The following SVEP1 variants were observed in gnomAD, a reference collection of about 807,000 sequenced individuals.
SVEP1 encodes the protein sushi, von Willebrand factor type A, EGF and pentraxin domain containing 1.
A neutral mutation model predicts 367.3 loss-of-function variants in SVEP1; 164 were observed. The observed-to-expected ratio is 0.45, with a 90% CI of 0.39 to 0.51. The LOEUF is 0.51. SVEP1 is among the 20% of genes least tolerant of loss of function. SVEP1 has a pLI of 0.00. For missense variants in SVEP1, 4,117 were observed against 4,425.3 expected, an observed-to-expected ratio of 0.93 and a Z score of 1.98; for synonymous variants, 1,666 against 1,611.6, an observed-to-expected ratio of 1.03 and a Z score of -0.81.
intron 7 of SVEP1, among the ~76,000 whole-genome samples, chr9:110,498,744 G>A (rs949144958): frequency 1.3e-5 from 2 of 152,164 alleles, no homozygotes; most frequent in African/African-American, 4.8e-5. Flanking sequence ...AGTCTCACCT[G>A]CTTTATATAG....
Position 110,429,420 on chromosome 9 carries a change from A to C in SVEP1, c.5616-86T>G, listed in dbSNP as rs1828315010. ...GTGCCAAAAACCTCTAAAAATATTAAGAATTTATACATATTGGAAAAGTTG... is the reference window on the plus strand; with the variant it reads ...GTGCCAAAAACCTCTAAAAATATTACGAATTTATACATATTGGAAAAGTTG... On this transcript the variant is annotated intron_variant, in intron 34 of 47. Transcript: ENST00000374469. 3 of 984,626 alleles carry C rather than the reference A, an allele frequency of 3.0e-6. No homozygotes were observed. In the African/African-American group the frequency reaches 4.9e-5, roughly 16 times the overall value. 61.0% of individuals were successfully genotyped at this position (984,626 alleles called of 1,614,324 possible). A position where few individuals can be genotyped will look rare whatever the true frequency, so the allele number is the denominator to read the frequency against.
intron 1 of SVEP1, among the ~76,000 whole-genome samples, chr9:110,564,824 A>G (rs1256217233): frequency 1.5e-5 from 2 of 129,232 alleles, no homozygotes; most frequent in African/African-American, 5.0e-5. Context: ...TAAATTATCA[A>G]TCAATGACAG....
At chr9:110,433,066 C>T (rs1438563484) in intron 30 of SVEP1, among the ~76,000 whole-genome samples, 5 of 152,146 alleles carry the variant, frequency 3.3e-5, no homozygotes, top group African/African-American at 7.2e-5. Flanking sequence ...GTCTCTCTTG[C>T]TCCTGCTTCT....
At position 110,445,830 on chromosome 9, in the gene SVEP1, T is replaced by C. The variant is rs1828585044; in HGVS notation, c.4463+7A>G. The C allele has an allele frequency of 6.2e-7, 1 of 1,613,548 alleles. No homozygotes were observed. The highest frequency in any genetic ancestry group is 8.5e-7 in the Non-Finnish European group (1 of 1,179,670). On this transcript the variant is annotated splice_region_variant and intron_variant, in intron 26 of 47. Transcript: ENST00000374469. The stretch of plus-strand genomic sequence containing the variant: ...TTAAGCATAGCCTTCCCGACACTTC[T>C]GCTTACCCGTTATAATCAGTCAGGA...
Position 110,472,238 on chromosome 9 carries a change from G to A in SVEP1, c.2685C>T (p.Ile895=), listed in dbSNP as rs1376161503. The stretch of plus-strand genomic sequence containing the variant: ...TAATCCGTGAGGACTTGGCATTGCC[G>A]ATGCTTGTGGCTGTTTCTTGCACAG... ...LDTVQETATS[I]GNAKSSRIKR... Residue 895 remains isoleucine (I), a synonymous_variant, in exon 15 of 48, where the codon ATC becomes ATT. Transcript: ENST00000374469. 17 of 1,613,426 alleles carry A rather than the reference G, an allele frequency of 1.1e-5. No individual in the cohort carries two copies. Among genetic ancestry groups the A allele is most frequent in the African/African-American group, 2.7e-5 (2 of 74,904 alleles).
Position 110,451,364 on chromosome 9 carries a change from T to A in SVEP1, c.3826A>T (p.Ser1276Cys). 6.8e-6 allele frequency: 11 copies of A among 1,613,748 alleles called. No individual in the cohort carries two copies. The highest frequency in any genetic ancestry group is 9.3e-6 in the Non-Finnish European group (11 of 1,179,738). The change falls in exon 23 of 48, where the codon AGT becomes TGT. Residue 1276 changes from serine (S) to cysteine (C), a missense_variant. Around this residue, in one of 4 missense-constraint regions of SVEP1, gnomAD observed 2,174 missense variants for 2,494.3 expected, o/e 0.87. Transcript: ENST00000374469. ...CAGATTCCTTTATTTAAACAAGGAC[T>A]GGAGCTACACTCATTTATATTTTCT... ...CEENINECSS[S>C]PCLNKGICVD...
rs748500026 is a variant in SVEP1 at position 110,407,045 on chromosome 9, T to G, written c.8555A>C (p.Gln2852Pro). Residue 2852 changes from glutamine (Q) to proline (P), a missense_variant, in exon 38 of 48, where the codon CAA becomes CCA. Gln to Pro is a moderately conservative substitution (Grantham distance 76). Transcript: ENST00000374469. ...GQVRGDEYTFQKEIEYTCNEG... is the reference protein window; with the variant it reads ...GQVRGDEYTFPKEIEYTCNEG... ...ATTGCAAGTGTATTCAATCTCTTTT[T>G]GGAATGTGTACTCGTCTCCTCTCAC... 4 of 1,613,850 alleles carry G rather than the reference T, an allele frequency of 2.5e-6. No individual in the cohort carries two copies. The Admixed American group carries it at 5.0e-5, about 20-fold the overall frequency.
At chr9:110,396,596 C>T (rs991442297) in intron 40 of SVEP1, among the ~76,000 whole-genome samples, 104 of 71,616 alleles carry the variant, frequency 1.5e-3, no homozygotes, top group Admixed American at 4.9e-3. Flanking sequence ...ATTGATAGAC[C>T]GCTAGCAAGA....
At chr9:110,578,975 G>C (rs1564181850) in intron 1 of SVEP1, 38 bp downstream of exon 1, 2 of 1,540,884 alleles carry the variant, frequency 1.3e-6, no homozygotes, top group African/African-American at 1.4e-5. Context: ...GAAGGGCCCG[G>C]GGACTAGGGC....
At chr9:110,379,698 C>T (rs977743741) in intron 43 of SVEP1, among the ~76,000 whole-genome samples, 181 bp from the exon 44 acceptor site, 1 of 152,142 alleles carries the variant, frequency 6.6e-6, no homozygotes, top group Non-Finnish European at 1.5e-5. Flanking sequence ...AAATTGGACA[C>T]ACAAAGATCA....
chr9:110,375,529 A>G (rs1422996567), intron 45 of SVEP1, 66 bp from the exon 46 acceptor site: 8 of 1,393,024 alleles, frequency 5.7e-6, no homozygotes, highest in Non-Finnish European at 6.8e-6. Context: ...ATCAAAGTAC[A>G]CATCTTAGAT....
intron 37 of SVEP1, 38 bp from the exon 38 acceptor site, chr9:110,408,989 A>C: frequency 6.6e-7 from 1 of 1,518,582 alleles, no homozygotes; most frequent in Non-Finnish European, 8.8e-7. Flanking sequence ...TGCGATTTGT[A>C]TAACAGATGA....
rs370352992 is a variant in SVEP1, at chr9:110,386,043, G to T, written c.10092C>A (p.Pro3364=). The change falls in exon 43 of 48, where the codon CCC becomes CCA. Residue 3364 remains proline (P), a synonymous_variant. Coordinates refer to ENST00000374469, the MANE Select transcript of SVEP1 (RefSeq NM_153366.4). ...CCTTTTCAGACAGCAGAGCATTCTC[G>T]GGAATCACAAAAGGAACAGGGCATG... ...PNPCPVPFVI[P]ENALLSEKEF... 6.2e-7 allele frequency: 1 copy of T among 1,613,420 alleles called. No homozygotes were observed. Among genetic ancestry groups the T allele is most frequent in the South Asian group, 1.1e-5 (1 of 90,990 alleles).
rs1352233622 is a variant in SVEP1, at chr9:110,579,313, C to T, written c.231G>A (p.Glu77=). The stretch of plus-strand genomic sequence containing the variant: ...AGACAAGCTCCAGGCGCTCGCTGAG[C>T]TCCCGCAGCAGCCGCACGCGTCGCC... ...AFRRRVRLLR[E]LSERLELVFL... The change falls in exon 1 of 48, where the codon GAG becomes GAA. Residue 77 remains glutamate, a synonymous_variant. Transcript: ENST00000374469. This position sits in a 1 kb window ranked among gnomAD's most constrained non-coding sequence, Gnocchi z 5.3. The T allele has an allele frequency of 6.4e-7, 1 of 1,563,954 alleles. No individual in the cohort carries two copies. Among genetic ancestry groups the T allele is most frequent in the East Asian group, 2.4e-5 (1 of 41,856 alleles).
intron 15 of SVEP1, among the ~76,000 whole-genome samples, 153 bp from the exon 16 acceptor site, chr9:110,471,750 A>T: frequency 6.6e-6 from 1 of 152,382 alleles, no homozygotes; most frequent in East Asian, 1.9e-4. Context: ...GGAAAAATTA[A>T]TTCAAAATAA....
intron 3 of SVEP1, among the ~76,000 whole-genome samples, chr9:110,533,194 C>T (rs954154752): frequency 3.9e-5 from 6 of 152,142 alleles, no homozygotes; most frequent in Admixed American, 6.6e-5. Context: ...AGATCAGTAC[C>T]GGTCCATGGC....
rs1385390772 is a variant in SVEP1 at position 110,514,106 on chromosome 9, G to A, written c.965C>T (p.Ala322Val). The A allele has an allele frequency of 3.1e-6, 5 of 1,608,172 alleles. No individual in the cohort carries two copies. The highest frequency in any genetic ancestry group is 3.4e-5 in the Admixed American group (2 of 59,214). The change falls in exon 4 of 48, where the codon GCT becomes GTT. Residue 322 changes from alanine to valine, a missense_variant and splice_region_variant. Physicochemically the swap from Ala to Val is moderately conservative, Grantham distance 64. Coordinates refer to ENST00000374469, the MANE Select transcript of SVEP1 (RefSeq NM_153366.4). ...YGKGLQYECT[A>V]CPSGTYKPEG... Reference sequence around the variant, plus strand: ...AGGTTTGTATGTCCCCGATGGGCAAGCTGTGGGCAGACAAGCCGGAGAAGT... The same window carrying A: ...AGGTTTGTATGTCCCCGATGGGCAAACTGTGGGCAGACAAGCCGGAGAAGT...
chr9:110,382,862 C>T (rs1400056132), intron 43 of SVEP1, among the ~76,000 whole-genome samples: 2 of 152,174 alleles, frequency 1.3e-5, no homozygotes, highest in Non-Finnish European at 2.9e-5. Flanking sequence ...GCTATTGATA[C>T]TTGTTGCATT....
At chr9:110,401,684 G>GT (rs1164356105) in intron 39 of SVEP1, among the ~76,000 whole-genome samples, 1 of 151,472 alleles carries the variant, frequency 6.6e-6, no homozygotes, top group Admixed American at 6.6e-5. Context: ...GCTTTTAACA[G>GT]TTATTAGTGT....
Sources: allele counts gnomAD v4.1 joint callset (sites outside exome capture counted in the v4.1 genomes callset), GRCh38; gene constraint gnomAD v4.1.1; regional missense constraint gnomAD v4.1.1; non-coding constraint Gnocchi (gnomAD v3.1); transcripts MANE v1.5; gene names NCBI Gene and HGNC (gene_info 2026-07-23, HGNC 2026-07-21).